CRACR2B: variants seen among roughly 807,000 people sequenced by gnomAD.
CRACR2B encodes the protein EF-hand calcium-binding domain-containing protein 4A.
A neutral mutation model predicts 46.0 loss-of-function variants in CRACR2B; 50 were observed. The observed-to-expected ratio is 1.09, with a 90% CI of 0.87 to 1.38. CRACR2B has a LOEUF of 1.38. Ranked by LOEUF, CRACR2B falls within the 40% of genes most tolerant of loss-of-function variation. The pLI, the probability that CRACR2B is intolerant of heterozygous loss-of-function variation, is 0.00. For synonymous variants in CRACR2B, 277 were observed against 239.6 expected, an observed-to-expected ratio of 1.16 and a Z score of -1.44; for missense variants, 667 against 535.0, an observed-to-expected ratio of 1.25 and a Z score of -2.43.
intron 8 of CRACR2B, 44 bp downstream of exon 8, chr11:831,339 C>T: frequency 6.4e-7 from 1 of 1,564,586 alleles, no homozygotes; most frequent in Non-Finnish European, 8.6e-7. Context: ...CTCAGCGGAG[C>T]TTGGGGGCTC....
chr11:826,818 A>G (rs1028630909), upstream of CRACR2B, among the ~76,000 whole-genome samples: 10 of 152,220 alleles, frequency 6.6e-5, no homozygotes, highest in African/African-American at 2.4e-4. Flanking sequence ...CCCGGCCTAC[A>G]TGTTTATTGT....
rs2133878131 is a variant in CRACR2B, at chr11:827,999, C to T, written c.-609C>T. ...CGTCAGAGGCGAAGGGCTCTGCAGG[C>T]TGGGACCTTGCCCCTGCACTCTGTG... On this transcript the variant is annotated 5_prime_UTR_variant, in exon 1 of 9. Transcript: ENST00000525077. 6.6e-6 allele frequency among the ~76,000 whole-genome samples: 1 copy of T among 151,762 alleles called. No individual in the cohort carries two copies. The highest frequency in any genetic ancestry group is 1.9e-4 in the East Asian group (1 of 5,178).
At chr11:827,693 G>A (rs573196263), upstream of CRACR2B, 8 of 263,874 alleles carry the variant, frequency 3.0e-5, no homozygotes, top group East Asian at 1.2e-3. Context: ...TGCCCTCTTT[G>A]GAGGTCGCCC....
chr11:829,632 A>C, intron 3 of CRACR2B, 92 bp downstream of exon 3: 1 of 1,350,150 alleles, frequency 7.4e-7, no homozygotes, highest in Non-Finnish European at 9.8e-7. Context: ...CTGGTTCTGC[A>C]CAGGGTCTCT....
Position 831,335 on chromosome 11 carries a change from G to T in CRACR2B, c.1025+40G>T, listed in dbSNP as rs201082085. 1.3e-5 allele frequency: 20 copies of T among 1,567,146 alleles called. No homozygotes were observed. In the Admixed American group the frequency reaches 4.1e-4, roughly 32 times the overall value. ...AGGCCCGAGAGGGAATGGGCTCAGC[G>T]GAGCTTGGGGGCTCCCAGCTCCCCA... On this transcript the variant is annotated intron_variant, in intron 8 of 8. Transcript: ENST00000525077.
chr11:831,163 G>A (rs772196202), intron 7 of CRACR2B, 61 bp from the exon 8 acceptor site: 3 of 1,608,872 alleles, frequency 1.9e-6, no homozygotes, highest in South Asian at 1.1e-5. Context: ...GGATCTTCTA[G>A]GGGGTCCGGG....
At chr11:829,644 G>A (rs1846224536) in intron 3 of CRACR2B, 104 bp downstream of exon 3, 2 of 1,245,212 alleles carry the variant, frequency 1.6e-6, no homozygotes, top group South Asian at 1.6e-5. Context: ...AGGGTCTCTA[G>A]GCCGGGTCAG....
At chr11:829,058 C>T in intron 2 of CRACR2B, 95 bp downstream of exon 2, 1 of 1,482,136 alleles carries the variant, frequency 6.7e-7, no homozygotes, top group South Asian at 1.1e-5. Flanking sequence ...GCCGGTGCCT[C>T]TCGTCCTCCT....
At position 831,957 on chromosome 11, in the gene CRACR2B, C is replaced by T. The variant is rs531365019; in HGVS notation, c.*248C>T. 6.0e-6 allele frequency: 3 copies of T among 496,682 alleles called. No homozygotes were observed. Among genetic ancestry groups the T allele is most frequent in the Non-Finnish European group, 1.0e-5 (3 of 286,372 alleles). 30.8% of individuals were successfully genotyped at this position (496,682 alleles called of 1,614,324 possible). A position where few individuals can be genotyped will look rare whatever the true frequency, so the allele number is the denominator to read the frequency against. On this transcript the variant is annotated 3_prime_UTR_variant, in exon 9 of 9. Coordinates refer to ENST00000525077, the MANE Select transcript of CRACR2B (RefSeq NM_001286606.2). ...ACCCCATCTCAGTTCAGCAGAAAAC[C>T]CCCTCGTCAAATAAAACCCACTGAC...
chr11:831,729 G>A lies in CRACR2B; in HGVS notation c.*20G>A. 2.7e-6 allele frequency: 4 copies of A among 1,486,554 alleles called. No individual in the cohort carries two copies. The highest frequency in any genetic ancestry group is 3.5e-6 in the Non-Finnish European group (4 of 1,129,350). The allele number at this position is 1,486,554 out of a possible 1,614,324, so 92.1% of individuals were successfully genotyped here. A position where few individuals can be genotyped will look rare whatever the true frequency, so the allele number is the denominator to read the frequency against. ...CGGTGACCAGCCCCGAGTGACTCACGGACCATGAGCTAGAAGCTGCCCTTG... is the reference window on the plus strand; with the variant it reads ...CGGTGACCAGCCCCGAGTGACTCACAGACCATGAGCTAGAAGCTGCCCTTG... On this transcript the variant is annotated 3_prime_UTR_variant, in exon 9 of 9. Transcript: ENST00000525077.
chr11:826,535 ATTGTT>A (rs1034882927), upstream of CRACR2B, among the ~76,000 whole-genome samples: 1 of 152,192 alleles, frequency 6.6e-6, no homozygotes, highest in African/African-American at 2.4e-5. Flanking sequence ...TTACACGTTC[ATTGTT>A]TTGTTTTGAG....
intron 4 of CRACR2B, 55 bp from the exon 5 acceptor site, chr11:830,195 C>T: frequency 1.3e-6 from 2 of 1,493,640 alleles, no homozygotes; most frequent in Non-Finnish European, 8.9e-7. Context: ...AGAGGCGGTG[C>T]CAGGGGGCTG....
chr11:826,806 C>T (rs1182356797), upstream of CRACR2B, among the ~76,000 whole-genome samples: 2 of 152,238 alleles, frequency 1.3e-5, no homozygotes, highest in South Asian at 2.1e-4. Flanking sequence ...GGATTACAGG[C>T]GCCCGGCCTA....
At position 830,078 on chromosome 11, in the gene CRACR2B, C is replaced by A. The variant is rs750929517; in HGVS notation, c.551C>A (p.Ala184Asp). ...SFEDVLIRAS[A>D]CLEEAARERD... ...GAGGATGTTCTGATACGCGCGTCGGCCTGCCTGGAGGAGGCGGCCCGGGAG... is the reference window on the plus strand; with the variant it reads ...GAGGATGTTCTGATACGCGCGTCGGACTGCCTGGAGGAGGCGGCCCGGGAG... The change falls in exon 4 of 9, where the codon GCC becomes GAC. Residue 184 changes from alanine to aspartate, a missense_variant. By Grantham distance (126) the Ala-to-Asp change is moderately radical. Coordinates refer to ENST00000525077, the MANE Select transcript of CRACR2B (RefSeq NM_001286606.2). 24 of 1,549,094 alleles carry A rather than the reference C, an allele frequency of 1.5e-5. No homozygotes were observed. Among genetic ancestry groups the A allele is most frequent in the African/African-American group, 2.7e-5 (2 of 73,564 alleles).
At chr11:829,078 G>T (rs1159262709) in intron 2 of CRACR2B, 115 bp downstream of exon 2, 2 of 1,423,010 alleles carry the variant, frequency 1.4e-6, no homozygotes, top group South Asian at 2.4e-5. Flanking sequence ...TCCCTCCAGG[G>T]CCCGTGCTTT....
chr11:831,091 G>A (rs985155614), intron 7 of CRACR2B, 59 bp downstream of exon 7: 17 of 1,545,800 alleles, frequency 1.1e-5, no homozygotes, highest in Non-Finnish European at 1.5e-5. Flanking sequence ...GGGCCGACGG[G>A]CGCTCAGGTC....
intron 3 of CRACR2B, 109 bp from the exon 4 acceptor site, chr11:829,877 T>A (rs962666528): frequency 1.9e-4 from 279 of 1,448,292 alleles, no homozygotes; most frequent in Non-Finnish European, 2.4e-4. Flanking sequence ...CAGCAAGTGC[T>A]CCTGTCCTGC....
intron 3 of CRACR2B, 114 bp from the exon 4 acceptor site, chr11:829,872 A>T: frequency 7.0e-7 from 1 of 1,437,272 alleles, no homozygotes; most frequent in African/African-American, 1.4e-5. Context: ...GCACGCAGCA[A>T]GTGCTCCTGT....
At position 828,867 on chromosome 11, in the gene CRACR2B, C is replaced by T. The variant is rs763781115; in HGVS notation, c.181C>T (p.Leu61=). The T allele has an allele frequency of 6.2e-7, 1 of 1,610,760 alleles. No individual in the cohort carries two copies. Among genetic ancestry groups the T allele is most frequent in the Non-Finnish European group, 8.5e-7 (1 of 1,179,682 alleles). The change falls in exon 2 of 9, where the codon CTG becomes TTG. Residue 61 remains leucine (L), a synonymous_variant. Coordinates refer to ENST00000525077, the MANE Select transcript of CRACR2B (RefSeq NM_001286606.2). ...CCCCGACCAGGGTCTCCAGAGCGAC[C>T]TGCCCCTCACGCCAGAGCAGCTGGA... ...KHDLQGLQSD[L]PLTPEQLEAV...
Sources: gnomAD v4.1 joint callset for allele counts (sites outside exome capture counted in the v4.1 genomes callset) on GRCh38, gnomAD v4.1.1 for gene constraint, MANE v1.5 for transcripts, NCBI Gene and HGNC (gene_info 2026-07-23, HGNC 2026-07-21) for gene names.